NUDT3: variants seen among roughly 807,000 people sequenced by gnomAD.
NUDT3 encodes nudix hydrolase 3.
A neutral mutation model predicts 23.6 loss-of-function variants in NUDT3; 9 were observed. That is an observed-to-expected ratio of 0.38 (90% CI 0.23 to 0.66). The LOEUF (loss-of-function observed/expected upper bound fraction) is 0.66, where lower values mean the gene tolerates loss of function less well. Among genes scored for constraint, NUDT3 ranks in the 30% least tolerant of loss-of-function variants. The pLI is 0.52. For missense variants in NUDT3, 172 were observed against 218.5 expected, an observed-to-expected ratio of 0.79 and a Z score of 1.34; for synonymous variants, 86 against 82.6, an observed-to-expected ratio of 1.04 and a Z score of -0.22.
chr6:34,321,424 C>T (rs969923558), intron 2 of NUDT3, among the ~76,000 whole-genome samples: 1 of 151,830 alleles, frequency 6.6e-6, no homozygotes, highest in Admixed American at 6.6e-5. Flanking sequence ...GGCAACAGAG[C>T]GAGACTCCAT....
At chr6:34,338,868 T>C (rs1764248779) in intron 2 of NUDT3, among the ~76,000 whole-genome samples, 1 of 152,218 alleles carries the variant, frequency 6.6e-6, no homozygotes, top group South Asian at 2.1e-4. Context: ...GGGTCAAAAT[T>C]CTTAATTGCA....
At chr6:34,358,293 C>A (rs933835700) in intron 1 of NUDT3, among the ~76,000 whole-genome samples, 1 of 130,738 alleles carries the variant, frequency 7.6e-6, no homozygotes, top group East Asian at 2.7e-4. Flanking sequence ...ACACACACAC[C>A]CCTTATAATT....
At chr6:34,364,064 A>C (rs530049003) in intron 1 of NUDT3, among the ~76,000 whole-genome samples, 29 of 152,354 alleles carry the variant, frequency 1.9e-4, no homozygotes, top group South Asian at 1.5e-3. Context: ...CAAGCTCTCA[A>C]GTAAGACTAA....
chr6:34,385,279 C>T (rs746186717), intron 1 of NUDT3, among the ~76,000 whole-genome samples: 42 of 151,870 alleles, frequency 2.8e-4, no homozygotes, highest in Non-Finnish European at 2.9e-4. Flanking sequence ...AACATGAGAC[C>T]TCATCTCTAC....
At chr6:34,368,474 A>G (rs763424671) in intron 1 of NUDT3, among the ~76,000 whole-genome samples, 1 of 152,214 alleles carries the variant, frequency 6.6e-6, no homozygotes, top group Non-Finnish European at 1.5e-5. Context: ...GGCATGGAGG[A>G]GAGAAAGTCT....
intron 2 of NUDT3, among the ~76,000 whole-genome samples, chr6:34,321,166 G>A (rs1362186344): frequency 2.6e-5 from 4 of 151,986 alleles, no homozygotes; most frequent in Non-Finnish European, 5.9e-5. Flanking sequence ...GGCCAGGCAC[G>A]GTGGCTCACG....
chr6:34,333,037 G>A (rs779492289), intron 2 of NUDT3, among the ~76,000 whole-genome samples: 6 of 152,106 alleles, frequency 3.9e-5, no homozygotes, highest in Non-Finnish European at 7.4e-5. Flanking sequence ...CACATGGCTG[G>A]CTCACACAGC....
chr6:34,351,198 T>TTAAAAA (rs1764462307), intron 1 of NUDT3, among the ~76,000 whole-genome samples: 2 of 17,894 alleles, frequency 1.1e-4, no homozygotes, highest in Non-Finnish European at 2.3e-4. Flanking sequence ...CTCCCCTGCC[T>TTAAAAA]AAAAAAAAAA....
At position 34,392,660 on chromosome 6, in the gene NUDT3, T is replaced by C; in HGVS notation, c.-298A>G. On this transcript the variant is annotated 5_prime_UTR_variant, in exon 1 of 5. Coordinates refer to ENST00000607016, the MANE Select transcript of NUDT3 (RefSeq NM_006703.4). ...GCGCCGCCATCTTGGGCGCGATGCG[T>C]CAGCGGCGTAAGGCTGCACCGGCCT... 5.0e-6 allele frequency: 1 copy of C among 201,906 alleles called. No homozygotes were observed. Among genetic ancestry groups the C allele is most frequent in the East Asian group, 1.2e-4 (1 of 8,566 alleles). The allele number at this position is 201,906 out of a possible 1,614,324, so 12.5% of individuals were successfully genotyped here. A position where few individuals can be genotyped will look rare whatever the true frequency, so the allele number is the denominator to read the frequency against.
chr6:34,375,958 C>A (rs970825577), intron 1 of NUDT3, among the ~76,000 whole-genome samples: 1 of 152,110 alleles, frequency 6.6e-6, no homozygotes, highest in African/African-American at 2.4e-5. Flanking sequence ...AGCTCAGGCC[C>A]TACGCTCAGT....
At chr6:34,358,723 A>G (rs564245347) in intron 1 of NUDT3, among the ~76,000 whole-genome samples, 1 of 152,336 alleles carries the variant, frequency 6.6e-6, no homozygotes, top group East Asian at 1.9e-4. Flanking sequence ...CAGAGCTAGG[A>G]CTGGGCAGAG....
rs528101792 is a variant in NUDT3, at chr6:34,288,558, C to G, written c.*195G>C. 1.4e-6 allele frequency: 1 copy of G among 711,716 alleles called. No individual in the cohort carries two copies. The highest frequency in any genetic ancestry group is 2.2e-6 in the Non-Finnish European group (1 of 460,452). 44.1% of individuals were successfully genotyped at this position (711,716 alleles called of 1,614,324 possible). A position where few individuals can be genotyped will look rare whatever the true frequency, so the allele number is the denominator to read the frequency against. On this transcript the variant is annotated 3_prime_UTR_variant, in exon 5 of 5. Transcript: ENST00000607016. ...ACAAATTACACACCCAACCCCCACC[C>G]TCAATAAAAACAGAAGAAAAAGCCC... is the stretch of plus-strand genomic sequence containing the variant.
chr6:34,347,256 C>T (rs1034116682), intron 1 of NUDT3, among the ~76,000 whole-genome samples: 7 of 152,210 alleles, frequency 4.6e-5, no homozygotes, highest in African/African-American at 1.7e-4. Flanking sequence ...AAATTACCTA[C>T]TCAACAAACG....
chr6:34,335,522 T>C (rs1304698542), intron 2 of NUDT3, among the ~76,000 whole-genome samples: 9 of 152,212 alleles, frequency 5.9e-5, no homozygotes, highest in Non-Finnish European at 1.2e-4. Flanking sequence ...GATTTTGTAA[T>C]GCTTACAAGA....
chr6:34,297,571 CTT>C (rs778740425), intron 2 of NUDT3, among the ~76,000 whole-genome samples: 95 of 140,906 alleles, frequency 6.7e-4, no homozygotes, highest in Non-Finnish European at 1.2e-3. Context: ...TTTTTTAACT[CTT>C]GTCGCCCAGG....
chr6:34,303,346 T>C (rs1473791757), intron 2 of NUDT3, among the ~76,000 whole-genome samples: 1 of 151,952 alleles, frequency 6.6e-6, no homozygotes, highest in Non-Finnish European at 1.5e-5. Flanking sequence ...ACTAATTCTA[T>C]TAATAATAGT....
At position 34,281,308 on chromosome 6, in the gene NUDT3, C is replaced by T. The variant is rs1763275615; in HGVS notation, c.*7445G>A. On this transcript the variant is annotated 3_prime_UTR_variant, in exon 5 of 5. Transcript: ENST00000607016. ...GAAGACAAAGTCTTTGAAATGGAGG[C>T]TGGGCTGGCAAAAGTAAGTATGAAG... 1 of 152,236 alleles carries T rather than the reference C, an allele frequency of 6.6e-6. No individual in the cohort carries two copies. The allele number at this position is 152,236 out of a possible 1,614,324, so 9.4% of individuals were successfully genotyped here.
At chr6:34,373,237 C>CCAGT (rs1025811259) in intron 1 of NUDT3, among the ~76,000 whole-genome samples, 1 of 149,350 alleles carries the variant, frequency 6.7e-6, no homozygotes, top group African/African-American at 2.5e-5. Context: ...TGAGATCACG[C>CCAGT]CACTGCACTC....
chr6:34,330,671 C>T (rs1764113663), intron 2 of NUDT3, among the ~76,000 whole-genome samples: 1 of 151,950 alleles, frequency 6.6e-6, no homozygotes. Context: ...GTGGTGCATG[C>T]TTACTTGTAG....
Sources: gnomAD v4.1 joint callset for allele counts (sites outside exome capture counted in the v4.1 genomes callset) on GRCh38, gnomAD v4.1.1 for gene constraint, MANE v1.5 for transcripts, NCBI Gene and HGNC (gene_info 2026-07-23, HGNC 2026-07-21) for gene names.